The following CTNNA2 variants were observed in gnomAD, a reference collection of about 807,000 sequenced individuals.
The protein encoded by CTNNA2 is catenin alpha-2.
A neutral mutation model predicts 101.0 loss-of-function variants in CTNNA2; 42 were observed. The ratio of observed to expected loss-of-function variants is 0.42; its 90% CI spans 0.32 to 0.54. The LOEUF is 0.54. Ranked by LOEUF, CTNNA2 falls within the 20% of genes least tolerant of loss-of-function variation. CTNNA2 has a pLI of 0.14. For missense variants in CTNNA2, 871 were observed against 1,223.1 expected (o/e 0.71, Z 4.29); for synonymous variants, 450 against 456.4 (o/e 0.99, Z 0.18).
At chr2:79,389,359 C>A (rs550864591) in intron 4 of CTNNA2, among the ~76,000 whole-genome samples, 1 of 152,214 alleles carries the variant, frequency 6.6e-6, no homozygotes, top group Non-Finnish European at 1.5e-5. Context: ...TGGTCTTACA[C>A]CCTTAAATTT....
intron 18 of CTNNA2, among the ~76,000 whole-genome samples, chr2:80,629,736 C>A (rs1672074272): frequency 6.6e-6 from 1 of 152,114 alleles, no homozygotes; most frequent in South Asian, 2.1e-4. Flanking sequence ...TTAAGAACAT[C>A]TTTGGCTTCT....
chr2:80,291,955 G>A (rs971808828), intron 7 of CTNNA2, among the ~76,000 whole-genome samples: 19 of 152,170 alleles, frequency 1.2e-4, no homozygotes, highest in Admixed American at 9.8e-4. Context: ...TTAGAAAGCT[G>A]GGAAGGAAGC....
chr2:79,412,073 A>T (rs1460458901), intron 4 of CTNNA2, among the ~76,000 whole-genome samples: 1 of 152,072 alleles, frequency 6.6e-6, no homozygotes. Flanking sequence ...ATGGAAAACA[A>T]AAAAAGGCAG....
At chr2:79,240,804 AAATGTAAAATAACC>A (rs930047068) in intron 2 of CTNNA2, among the ~76,000 whole-genome samples, 2 of 151,960 alleles carry the variant, frequency 1.3e-5, no homozygotes, top group African/African-American at 4.8e-5. Flanking sequence ...GAGTCTGGGG[AAATGTAAAATAACC>A]CAGAATACAC....
intron 1 of CTNNA2, among the ~76,000 whole-genome samples, chr2:79,617,192 G>A (rs577519451): frequency 4.6e-5 from 7 of 152,140 alleles, no homozygotes; most frequent in South Asian, 4.1e-4. Context: ...GTGAGCCATC[G>A]CGTTCAGCCC....
At chr2:80,344,035 T>G (rs748037670) in intron 7 of CTNNA2, among the ~76,000 whole-genome samples, 4 of 152,136 alleles carry the variant, frequency 2.6e-5, no homozygotes, top group Non-Finnish European at 4.4e-5. Flanking sequence ...CAATCAGGCT[T>G]TTAGCACCTG....
intron 7 of CTNNA2, among the ~76,000 whole-genome samples, chr2:80,150,401 C>T (rs1703625683): frequency 6.6e-6 from 1 of 152,108 alleles, no homozygotes; most frequent in South Asian, 2.1e-4. Flanking sequence ...GCATGCCGCT[C>T]ACTTGCTACA....
At chr2:80,261,411 C>T (rs578034303) in intron 7 of CTNNA2, among the ~76,000 whole-genome samples, 2 of 151,922 alleles carry the variant, frequency 1.3e-5, no homozygotes, top group Non-Finnish European at 2.9e-5. Flanking sequence ...TTAGCTTCAT[C>T]CAGTTTAATG....
At chr2:80,490,314 T>C (rs1437264218) in intron 9 of CTNNA2, among the ~76,000 whole-genome samples, 1 of 111,836 alleles carries the variant, frequency 8.9e-6, no homozygotes, top group Non-Finnish European at 1.7e-5. Flanking sequence ...ATAGTAAATA[T>C]TTTAGGATTT....
chr2:80,300,947 CAG>C (rs1194984906), intron 7 of CTNNA2, among the ~76,000 whole-genome samples: 1 of 146,656 alleles, frequency 6.8e-6, no homozygotes, highest in Non-Finnish European at 1.5e-5. Context: ...ACTCTCAACA[CAG>C]AAAAAAAAAA....
At chr2:80,518,100 A>G (rs1689245076) in intron 9 of CTNNA2, among the ~76,000 whole-genome samples, 1 of 152,236 alleles carries the variant, frequency 6.6e-6, no homozygotes, top group Non-Finnish European at 1.5e-5. Context: ...AGACATTTAT[A>G]TTAAAAGCTT....
intron 7 of CTNNA2, among the ~76,000 whole-genome samples, chr2:79,942,603 A>C (rs113069988): frequency 1.3e-5 from 2 of 152,308 alleles, no homozygotes; most frequent in African/African-American, 2.4e-5. Flanking sequence ...GGTCTTGCCA[A>C]TAATATTCTG....
intron 9 of CTNNA2, among the ~76,000 whole-genome samples, chr2:80,526,907 G>T (rs1690088312): frequency 6.6e-6 from 1 of 152,162 alleles, no homozygotes. Context: ...GAACTATGGA[G>T]TTTTAAAAAA....
rs184405463 is a variant in CTNNA2, at chr2:79,907,090, C to T, written c.853-2504C>T. Among the ~76,000 whole-genome samples, 11 of 152,158 alleles carry T rather than the reference C, an allele frequency of 7.2e-5. No homozygotes were observed. The East Asian group carries it at 9.7e-4, about 13-fold the overall frequency. ...TCCATCACATTTGCAGTTCTTGACA[C>T]GTTTAGTCCTAAAGTACAATAAATA... On this transcript the variant is annotated intron_variant, in intron 6 of 18. Transcript: ENST00000402739.
At chr2:80,152,585 T>C (rs1041122565) in intron 7 of CTNNA2, among the ~76,000 whole-genome samples, 1 of 152,048 alleles carries the variant, frequency 6.6e-6, no homozygotes, top group African/African-American at 2.4e-5. Flanking sequence ...ACAAAGTGCT[T>C]AATATTCTCC....
chr2:80,290,863 A>AAAAC (rs1675178380), intron 7 of CTNNA2, among the ~76,000 whole-genome samples: 1 of 152,146 alleles, frequency 6.6e-6, no homozygotes, highest in East Asian at 1.9e-4. Flanking sequence ...GGGAGAGTAG[A>AAAAC]AAACAAACAA....
chr2:80,274,763 C>T (rs1231028209), intron 7 of CTNNA2, among the ~76,000 whole-genome samples: 1 of 152,164 alleles, frequency 6.6e-6, no homozygotes, highest in African/African-American at 2.4e-5. Context: ...GAATCACCTC[C>T]ATTGCCTGGA....
Position 79,598,872 on chromosome 2 carries a change from T to C in CTNNA2, c.-5-52680T>C, listed in dbSNP as rs561128351. ...TGCCTTTGATGTATCTAAAATATCA[T>C]TGTCATGCTCAAGGTCATCTAGGCT... On this transcript the variant is annotated intron_variant, in intron 1 of 18. Transcript: ENST00000402739. 3.9e-5 allele frequency among the ~76,000 whole-genome samples: 6 copies of C among 152,350 alleles called. No homozygotes were observed. In the South Asian group the frequency reaches 6.2e-4, roughly 16 times the overall value.
chr2:79,720,016 A>G (rs1238069638), intron 2 of CTNNA2, among the ~76,000 whole-genome samples: 1 of 152,132 alleles, frequency 6.6e-6, no homozygotes, highest in Non-Finnish European at 1.5e-5. Flanking sequence ...TAGAATTTTT[A>G]TAGTTTGTGA....
Sources: allele counts gnomAD v4.1 joint callset (sites outside exome capture counted in the v4.1 genomes callset), GRCh38; gene constraint gnomAD v4.1.1; transcripts MANE v1.5; gene names NCBI Gene and HGNC (gene_info 2026-07-23, HGNC 2026-07-21).